Variants in CSGALNACT1 observed in about 807,000 individuals in gnomAD.
CSGALNACT1 encodes beta4GalNAcT-1.
CSGALNACT1 carries 52 observed loss-of-function variants against 51.0 expected under a neutral mutation model. The ratio of observed to expected loss-of-function variants is 1.02; its 90% CI spans 0.82 to 1.29. The LOEUF is 1.29. Among genes scored for constraint, CSGALNACT1 ranks in the 50% most tolerant of loss-of-function variants. The probability of loss-of-function intolerance (pLI) is 0.00; values close to 1 mark genes in which losing one functional copy is unlikely to be tolerated. For synonymous variants in CSGALNACT1, 341 were observed against 254.4 expected (o/e 1.34, Z -3.24); for missense variants, 935 against 679.2 (o/e 1.38, Z -4.19).
intron 4 of CSGALNACT1, among the ~76,000 whole-genome samples, chr8:19,503,357 G>A (rs2076741929): frequency 6.6e-6 from 1 of 152,202 alleles, no homozygotes; most frequent in African/African-American, 2.4e-5. Flanking sequence ...AGGGGCAAGA[G>A]GCTGGTGTCA....
At chr8:19,471,704 A>G (rs2068218144) in intron 4 of CSGALNACT1, among the ~76,000 whole-genome samples, 1 of 152,216 alleles carries the variant, frequency 6.6e-6, no homozygotes, top group African/African-American at 2.4e-5. Context: ...AAGGAAAGGT[A>G]GAGTACAAGG....
intron 1 of CSGALNACT1, among the ~76,000 whole-genome samples, chr8:19,647,893 A>G (rs551891769): frequency 3.9e-5 from 6 of 152,330 alleles, no homozygotes; most frequent in Non-Finnish European, 5.9e-5. Context: ...ATAATGAGAC[A>G]TTTGAATAAA....
intron 3 of CSGALNACT1, among the ~76,000 whole-genome samples, chr8:19,529,141 T>G (rs1383152924): frequency 6.6e-6 from 1 of 151,930 alleles, no homozygotes; most frequent in Non-Finnish European, 1.5e-5. Flanking sequence ...GCTCGGTGAG[T>G]TGAGCAACGT....
chr8:19,431,048 A>C (rs1174147460), intron 6 of CSGALNACT1, among the ~76,000 whole-genome samples: 1 of 152,076 alleles, frequency 6.6e-6, no homozygotes, highest in African/African-American at 2.4e-5. Flanking sequence ...AACTTTACTG[A>C]ATTTGTTCTT....
chr8:19,481,128 C>G (rs1196357005), intron 4 of CSGALNACT1, among the ~76,000 whole-genome samples: 2 of 152,154 alleles, frequency 1.3e-5, no homozygotes, highest in East Asian at 3.9e-4. Context: ...ATGACCAGTT[C>G]TTATGTGCGG....
At chr8:19,664,311 C>T (rs1035213727) in intron 1 of CSGALNACT1, among the ~76,000 whole-genome samples, 1 of 152,076 alleles carries the variant, frequency 6.6e-6, no homozygotes, top group Non-Finnish European at 1.5e-5. Context: ...GTCAGAATGG[C>T]TACTATTAAA....
intron 1 of CSGALNACT1, among the ~76,000 whole-genome samples, chr8:19,715,328 C>T (rs2062743291): frequency 1.3e-5 from 2 of 152,138 alleles, no homozygotes; most frequent in South Asian, 4.1e-4. Flanking sequence ...CAGAGCCAAA[C>T]CATATCAGTA....
intron 1 of CSGALNACT1, among the ~76,000 whole-genome samples, chr8:19,626,762 C>G (rs2054510867): frequency 6.6e-6 from 1 of 152,142 alleles, no homozygotes; most frequent in East Asian, 1.9e-4. Flanking sequence ...GTGCAAAAGA[C>G]TTGAACAGAC....
intron 1 of CSGALNACT1, among the ~76,000 whole-genome samples, chr8:19,638,722 C>A (rs2056399623): frequency 6.6e-6 from 1 of 152,030 alleles, no homozygotes; most frequent in Non-Finnish European, 1.5e-5. Context: ...TCTATAGTCA[C>A]TGGGTGGTAA....
chr8:19,513,421 T>TCC (rs1563833378), intron 3 of CSGALNACT1, among the ~76,000 whole-genome samples: 38 of 95,360 alleles, frequency 4.0e-4, no homozygotes, highest in African/African-American at 1.5e-3. Context: ...TCTCACTCTC[T>TCC]CTCTCTCTCT....
At chr8:19,675,660 T>C (rs955097503) in intron 1 of CSGALNACT1, among the ~76,000 whole-genome samples, 1 of 152,104 alleles carries the variant, frequency 6.6e-6, no homozygotes, top group African/African-American at 2.4e-5. Flanking sequence ...ATCCAGCTAA[T>C]TTTTTTAATT....
intron 4 of CSGALNACT1, among the ~76,000 whole-genome samples, chr8:19,467,620 T>C (rs2067013027): frequency 6.6e-6 from 1 of 152,106 alleles, no homozygotes; most frequent in Non-Finnish European, 1.5e-5. Flanking sequence ...GCAAATGACC[T>C]GGTTAGTTTT....
At chr8:19,628,002 T>G (rs2054666015) in intron 1 of CSGALNACT1, among the ~76,000 whole-genome samples, 2 of 152,208 alleles carry the variant, frequency 1.3e-5, no homozygotes, top group African/African-American at 4.8e-5. Context: ...TGTACTATTT[T>G]TTTCAACTTC....
At chr8:19,424,368 C>T (rs563893410) in intron 6 of CSGALNACT1, among the ~76,000 whole-genome samples, 1 of 152,260 alleles carries the variant, frequency 6.6e-6, no homozygotes, top group African/African-American at 2.4e-5. Flanking sequence ...CCTGATTCCT[C>T]AACCCAAGGC....
chr8:19,752,686 A>G (rs2065116683), intron 1 of CSGALNACT1, among the ~76,000 whole-genome samples: 1 of 152,158 alleles, frequency 6.6e-6, no homozygotes, highest in Non-Finnish European at 1.5e-5. Context: ...GACAAATCAC[A>G]TCTACCTCCT....
chr8:19,499,227 C>G (rs79967369), intron 4 of CSGALNACT1, among the ~76,000 whole-genome samples: 22,491 of 152,224 alleles, frequency 0.15, 1,765 homozygotes, highest in Middle Eastern at 0.22. Flanking sequence ...TGCGTAGATG[C>G]CCCTTTATTA....
intron 6 of CSGALNACT1, among the ~76,000 whole-genome samples, chr8:19,435,237 G>C (rs556599883): frequency 6.2e-4 from 95 of 152,310 alleles, no homozygotes; most frequent in African/African-American, 2.0e-3. Context: ...GCTCACGCCT[G>C]TAATCCCAGG....
At chr8:19,661,900 T>C (rs960479807) in intron 1 of CSGALNACT1, among the ~76,000 whole-genome samples, 4 of 152,172 alleles carry the variant, frequency 2.6e-5, no homozygotes, top group Non-Finnish European at 5.9e-5. Context: ...TCAACTTATT[T>C]TGACCAAGAC....
At chr8:19,589,856 G>A (rs552943512) in intron 3 of CSGALNACT1, among the ~76,000 whole-genome samples, 2 of 152,220 alleles carry the variant, frequency 1.3e-5, no homozygotes, top group East Asian at 1.9e-4. Flanking sequence ...TTAATCCACA[G>A]AAAATAGGCA....
Sources: allele counts gnomAD v4.1 joint callset (sites outside exome capture counted in the v4.1 genomes callset), GRCh38; gene constraint gnomAD v4.1.1; transcripts MANE v1.5; gene names NCBI Gene and HGNC (gene_info 2026-07-23, HGNC 2026-07-21).